The following ARHGAP39 variants were observed in gnomAD, a reference collection of about 807,000 sequenced individuals.
The protein encoded by ARHGAP39 is Rho GTPase activating protein 39.
Under a neutral mutation model 106.9 loss-of-function variants are expected in ARHGAP39, and 44 were observed. The ratio of observed to expected loss-of-function variants is 0.41; its 90% CI spans 0.32 to 0.53. The LOEUF is 0.53. Ranked by LOEUF, ARHGAP39 falls within the 20% of genes least tolerant of loss-of-function variation. The pLI, the probability that ARHGAP39 is intolerant of heterozygous loss-of-function variation, is 0.21. For synonymous variants in ARHGAP39, 768 were observed against 693.2 expected (o/e 1.11, Z -1.69); for missense variants, 1,496 against 1,577.3 (o/e 0.95, Z 0.87).
intron 1 of ARHGAP39, among the ~76,000 whole-genome samples, chr8:144,653,821 T>C (rs540515024): frequency 4.2e-4 from 64 of 152,210 alleles, no homozygotes; most frequent in African/African-American, 1.4e-3. Context: ...TATCGGGTCA[T>C]GACAGGGACT....
intron 1 of ARHGAP39, among the ~76,000 whole-genome samples, chr8:144,621,069 G>A (rs1820796438): frequency 6.6e-6 from 1 of 152,286 alleles, no homozygotes; most frequent in South Asian, 2.1e-4. Context: ...TGGCAGCTGT[G>A]CTGGTGCTGT....
chr8:144,679,662 T>C lies in ARHGAP39; in HGVS notation c.-82+6024A>G, dbSNP rs573601933. Among the ~76,000 whole-genome samples, 3 of 152,202 alleles carry C rather than the reference T, an allele frequency of 2.0e-5. No homozygotes were observed. The highest frequency in any genetic ancestry group is 2.4e-5 in the African/African-American group (1 of 41,456). On this transcript the variant is annotated intron_variant, in intron 1 of 11. Transcript: ENST00000377307. The surrounding 1 kb of genome is among the most constrained non-coding windows in gnomAD (Gnocchi z 4.7). The stretch of plus-strand genomic sequence containing the variant: ...GACATCCCCTGCTCACAAAGCTGCC[T>C]GCGGTGGCTCCCGGTTAGCTAGAAA...
intron 3 of ARHGAP39, among the ~76,000 whole-genome samples, chr8:144,571,371 C>T (rs913800914): frequency 1.3e-5 from 2 of 151,956 alleles, no homozygotes; most frequent in Non-Finnish European, 1.5e-5. Flanking sequence ...ACAGAACAAT[C>T]GACAAAACCT....
chr8:144,546,433 A>C (rs1586887495), intron 5 of ARHGAP39, among the ~76,000 whole-genome samples: 1 of 152,244 alleles, frequency 6.6e-6, no homozygotes, highest in South Asian at 2.1e-4. Flanking sequence ...AAGGCCACCC[A>C]GGCCCTCGAG....
chr8:144,677,977 C>T (rs960329603), intron 1 of ARHGAP39, among the ~76,000 whole-genome samples: 2 of 152,188 alleles, frequency 1.3e-5, no homozygotes, highest in Admixed American at 6.5e-5. Context: ...AAGCAGCCGA[C>T]GTGGGAAATG....
At chr8:144,667,727 G>A (rs1407286447) in intron 1 of ARHGAP39, among the ~76,000 whole-genome samples, 2 of 152,192 alleles carry the variant, frequency 1.3e-5, no homozygotes, top group Admixed American at 1.3e-4. Context: ...TGTGACCCTG[G>A]TGGGTCACAG....
intron 2 of ARHGAP39, among the ~76,000 whole-genome samples, chr8:144,602,797 CA>C (rs1820089665): frequency 1.1e-5 from 1 of 94,322 alleles, no homozygotes. Flanking sequence ...CGTGTGTGTG[CA>C]TGTGCATGGA....
chr8:144,587,878 A>G (rs1308277870), intron 2 of ARHGAP39, among the ~76,000 whole-genome samples: 1 of 152,094 alleles, frequency 6.6e-6, no homozygotes, highest in Non-Finnish European at 1.5e-5. Context: ...GTCTCGAACT[A>G]CTGATCTGCC....
intron 7 of ARHGAP39, 89 bp downstream of exon 7, chr8:144,537,632 G>C: frequency 2.8e-5 from 27 of 971,326 alleles, no homozygotes; most frequent in East Asian, 5.1e-5. Flanking sequence ...CCGCCCAGAA[G>C]CGGTTAGAGA....
intron 4 of ARHGAP39, 149 bp downstream of exon 4, chr8:144,555,411 C>T (rs2130857890): frequency 2.8e-6 from 2 of 718,418 alleles, no homozygotes; most frequent in Non-Finnish European, 4.9e-6. Flanking sequence ...CCTGTCCAGG[C>T]CCCTGGCCCT....
At chr8:144,621,058 T>TGC (rs1820796256) in intron 1 of ARHGAP39, among the ~76,000 whole-genome samples, 1 of 152,276 alleles carries the variant, frequency 6.6e-6, no homozygotes, top group Non-Finnish European at 1.5e-5. Context: ...AGAGCCCCAG[T>TGC]TGGCAGCTGT....
intron 9 of ARHGAP39, 45 bp from the exon 10 acceptor site, chr8:144,532,441 C>T (rs760520687): frequency 3.0e-5 from 46 of 1,551,748 alleles, no homozygotes; most frequent in Admixed American, 3.4e-5. Flanking sequence ...GCCTGTGCTG[C>T]GGCTTCATGA....
chr8:144,547,610 G>C lies in ARHGAP39; in HGVS notation c.1476C>G (p.Arg492=), dbSNP rs777121733. The C allele has an allele frequency of 2.0e-6, 3 of 1,487,848 alleles. No homozygotes were observed. Among genetic ancestry groups the C allele is most frequent in the Non-Finnish European group, 2.7e-6 (3 of 1,121,046 alleles). The allele number at this position is 1,487,848 out of a possible 1,614,324, so 92.2% of individuals were successfully genotyped here. Residue 492 remains arginine, a synonymous_variant, in exon 5 of 12, where the codon CGC becomes CGG. Coordinates refer to ENST00000377307, the MANE Select transcript of ARHGAP39 (RefSeq NM_025251.3). The surrounding 1 kb of genome is among the most constrained non-coding windows in gnomAD (Gnocchi z 5.2). ...AAGAGGGCTTTCTGCTCTTCCGCTT[G>C]CGCGTGCCCGGGGAGTAGCCTGTGG... is the stretch of plus-strand genomic sequence containing the variant. ...LSSTGYSPGT[R]KRKSRKPSLC...
chr8:144,548,736 G>A lies in ARHGAP39; in HGVS notation c.597-247C>T, dbSNP rs971185703. Among the ~76,000 whole-genome samples, 1 of 152,180 alleles carries A rather than the reference G, an allele frequency of 6.6e-6. No homozygotes were observed. Among genetic ancestry groups the A allele is most frequent in the Non-Finnish European group, 1.5e-5 (1 of 68,020 alleles). On this transcript the variant is annotated intron_variant, in intron 4 of 11. Transcript: ENST00000377307. The surrounding 1 kb of genome is among the most constrained non-coding windows in gnomAD (Gnocchi z 7.4). ...TCTGCTCTGATCCCAGCTCCTGACC[G>A]GGCACAGGGCTGCTTCTGTAACTAG...
chr8:144,602,960 G>GCGT (rs1820111689), intron 2 of ARHGAP39, among the ~76,000 whole-genome samples: 1 of 136,982 alleles, frequency 7.3e-6, no homozygotes, highest in Non-Finnish European at 1.5e-5. Flanking sequence ...TGTGCATGGA[G>GCGT]GCGTGCGTGC....
chr8:144,680,970 C>A (rs899287985), intron 1 of ARHGAP39, among the ~76,000 whole-genome samples: 1 of 152,312 alleles, frequency 6.6e-6, no homozygotes, highest in South Asian at 2.1e-4. Context: ...CAGTGACCAA[C>A]ACGAGTTTTA....
chr8:144,602,299 G>T (rs976169298), intron 2 of ARHGAP39, among the ~76,000 whole-genome samples: 6 of 138,722 alleles, frequency 4.3e-5, no homozygotes, highest in African/African-American at 1.7e-4. Context: ...GTGTGCTCGT[G>T]TACCTGTGTG....
chr8:144,654,608 T>G (rs1281857954), intron 1 of ARHGAP39, among the ~76,000 whole-genome samples: 1 of 152,212 alleles, frequency 6.6e-6, no homozygotes, highest in Admixed American at 6.5e-5. Context: ...TGGCCAGGGC[T>G]GCACACTCCA....
intron 9 of ARHGAP39, among the ~76,000 whole-genome samples, chr8:144,532,879 C>T (rs1044385313): frequency 2.0e-5 from 3 of 152,190 alleles, no homozygotes; most frequent in East Asian, 1.9e-4. Context: ...CCCTGGTGGC[C>T]GTCTCTGCAG....
Sources: allele counts gnomAD v4.1 joint callset (sites outside exome capture counted in the v4.1 genomes callset), GRCh38; gene constraint gnomAD v4.1.1; non-coding constraint Gnocchi (gnomAD v3.1); transcripts MANE v1.5; gene names NCBI Gene and HGNC (gene_info 2026-07-23, HGNC 2026-07-21).